The following TESMIN variants were observed in gnomAD, a reference collection of about 807,000 sequenced individuals.
TESMIN encodes CXC domain containing 2.
Under a neutral mutation model 47.4 loss-of-function variants are expected in TESMIN, and 34 were observed. The ratio of observed to expected loss-of-function variants is 0.72; its 90% CI spans 0.55 to 0.96. TESMIN has a LOEUF of 0.96. Among genes scored for constraint, TESMIN ranks in the 40% least tolerant of loss-of-function variants. The pLI, the probability that TESMIN is intolerant of heterozygous loss-of-function variation, is 0.00. For synonymous variants in TESMIN, 278 were observed against 258.9 expected (o/e 1.07, Z -0.71); for missense variants, 610 against 637.2 (o/e 0.96, Z 0.46).
At chr11:68,705,977 C>A (rs936068281), downstream of TESMIN, among the ~76,000 whole-genome samples, 1 of 139,308 alleles carries the variant, frequency 7.2e-6, no homozygotes, top group Non-Finnish European at 1.5e-5. Flanking sequence ...GAGCCGAGAT[C>A]GCGCCATTGC....
intron 6 of TESMIN, among the ~76,000 whole-genome samples, chr11:68,717,100 C>T (rs1946149087): frequency 6.6e-6 from 1 of 152,228 alleles, no homozygotes; most frequent in East Asian, 1.9e-4. Flanking sequence ...GTGCAGGAGA[C>T]CAGAGGTCTG....
At chr11:68,711,224 AGT>A (rs776342951) in intron 8 of TESMIN, among the ~76,000 whole-genome samples, 175 bp from the exon 9 acceptor site, 24 of 148,940 alleles carry the variant, frequency 1.6e-4, no homozygotes, top group African/African-American at 6.0e-4. Context: ...GTTGAACGTG[AGT>A]GTGTGTATGA....
rs539596047 is a variant in TESMIN at position 68,717,272 on chromosome 11, A to C, written c.918-1333T>G. 2.6e-5 allele frequency among the ~76,000 whole-genome samples: 4 copies of C among 152,370 alleles called. No individual in the cohort carries two copies. In the East Asian group the frequency reaches 7.7e-4, roughly 29 times the overall value. On this transcript the variant is annotated intron_variant, in intron 6 of 9. Transcript: ENST00000255087. ...GTGAACCCAGAGAGGCGAGTTCTGC[A>C]GCAGCTAAGTGCTGCCCTGGGGCAT...
At chr11:68,747,000 T>A (rs1594303981) in intron 3 of TESMIN, 1 of 592,982 alleles carries the variant, frequency 1.7e-6, no homozygotes, top group East Asian at 2.9e-5. Context: ...TCATCTTTGT[T>A]CAATTTGCTA....
At chr11:68,725,521 G>A (rs1946251839) in intron 6 of TESMIN, among the ~76,000 whole-genome samples, 1 of 152,042 alleles carries the variant, frequency 6.6e-6, no homozygotes, top group Admixed American at 6.6e-5. Context: ...TGCTGAGAGG[G>A]TGATGATACT....
At chr11:68,738,890 G>A (rs754755459) in intron 5 of TESMIN, 102 bp from the exon 6 acceptor site, 11 of 960,754 alleles carry the variant, frequency 1.1e-5, no homozygotes, top group African/African-American at 1.6e-5. Flanking sequence ...TTCCCTAAAG[G>A]TTTACATCAC....
rs759591731 is a variant in TESMIN, at chr11:68,750,695, C to T, written c.-35G>A. On this transcript the variant is annotated 5_prime_UTR_variant, in exon 2 of 10. Transcript: ENST00000255087. The stretch of plus-strand genomic sequence containing the variant: ...CGGCGGGGCGGGATGGCGGGGGCCG[C>T]GCACCTGCAACACGCGGCCAGGTGA... 3.2e-4 allele frequency: 447 copies of T among 1,405,508 alleles called. 1 individual carries two copies. Among genetic ancestry groups the T allele is most frequent in the Non-Finnish European group, 4.0e-4 (426 of 1,069,912 alleles). The allele number at this position is 1,405,508 out of a possible 1,614,324, so 87.1% of individuals were successfully genotyped here.
chr11:68,708,210 T>C lies in TESMIN; in HGVS notation c.*98A>G, dbSNP rs914987749. On this transcript the variant is annotated 3_prime_UTR_variant, in exon 10 of 10. Coordinates refer to ENST00000255087, the MANE Select transcript of TESMIN (RefSeq NM_004923.3). ...GCCCAGGGATGCAGGGGAGCCTGGT[T>C]GTTGCTGCAGAGCCAGCCTCATGTT... 13 of 1,232,346 alleles carry C rather than the reference T, an allele frequency of 1.1e-5. No homozygotes were observed. In the Admixed American group the frequency reaches 3.0e-4, roughly 29 times the overall value. 76.3% of individuals were successfully genotyped at this position (1,232,346 alleles called of 1,614,324 possible).
In TESMIN at chr11:68,750,565, G is replaced by A. The variant is rs778182702; in HGVS notation, c.96C>T (p.Asn32=). Residue 32 remains asparagine, a synonymous_variant, in exon 2 of 10, where the codon AAC becomes AAT. Coordinates refer to ENST00000255087, the MANE Select transcript of TESMIN (RefSeq NM_004923.3). Reference sequence around the variant, plus strand: ...ACTTCACGGGGGCCTTCAGGCCGATGTTCTCCGAAGCGAACGGACCCTCGG... The same window carrying A: ...ACTTCACGGGGGCCTTCAGGCCGATATTCTCCGAAGCGAACGGACCCTCGG... ...LSPEGPFASE[N]IGLKAPVKYE... 6.2e-7 allele frequency: 1 copy of A among 1,607,790 alleles called. No individual in the cohort carries two copies. Among genetic ancestry groups the A allele is most frequent in the Non-Finnish European group, 8.5e-7 (1 of 1,177,950 alleles).
rs1247606809 is a variant in TESMIN at position 68,737,516 on chromosome 11, T to C, written c.917+1184A>G. On this transcript the variant is annotated intron_variant, in intron 6 of 9. Transcript: ENST00000255087. ...ACGAAGCCATGCCCGATGGCAGAAC[T>C]CTGCAGGAGCCTGGAAAGCACTGGA... The C allele has an allele frequency of 4.1e-6, 4 of 985,534 alleles. No individual in the cohort carries two copies. The Admixed American group carries it at 2.5e-4, about 61-fold the overall frequency. The allele number at this position is 985,534 out of a possible 1,614,324, so 61.0% of individuals were successfully genotyped here. A position where few individuals can be genotyped will look rare whatever the true frequency, so the allele number is the denominator to read the frequency against.
chr11:68,750,037 C>T (rs1946569951), intron 2 of TESMIN, among the ~76,000 whole-genome samples, 153 bp downstream of exon 2: 1 of 152,106 alleles, frequency 6.6e-6, no homozygotes, highest in Non-Finnish European at 1.5e-5. Flanking sequence ...AAAGAGTATA[C>T]GCTCTACCGA....
intron 2 of TESMIN, among the ~76,000 whole-genome samples, chr11:68,747,885 G>C (rs1946541284): frequency 6.6e-6 from 1 of 152,066 alleles, no homozygotes; most frequent in Non-Finnish European, 1.5e-5. Context: ...GAGAAATACA[G>C]GGATAATACT....
chr11:68,723,664 TAGAACTGATCGAGAA>T, intron 6 of TESMIN, among the ~76,000 whole-genome samples: 1 of 152,138 alleles, frequency 6.6e-6, no homozygotes, highest in Admixed American at 6.6e-5. Flanking sequence ...CAACCTCTCC[TAGAACTGATCGAGAA>T]AGTCTAGAAA....
intron 6 of TESMIN, chr11:68,738,020 C>T: frequency 1.0e-6 from 1 of 985,536 alleles, no homozygotes; most frequent in East Asian, 1.1e-4. Flanking sequence ...CTACAGGGCT[C>T]AACGAATGGA....
Position 68,751,455 on chromosome 11 carries a change from C to T in TESMIN, c.-75G>A. ...CGGGGCTGCCGCAGCGTGGAGCGAG[C>T]GGGATGGGGCGTGGGCCGGGCCTCA... On this transcript the variant is annotated 5_prime_UTR_variant, in exon 1 of 10. Transcript: ENST00000255087. 1 of 147,420 alleles carries T rather than the reference C, an allele frequency of 6.8e-6. No individual in the cohort carries two copies. Among genetic ancestry groups the T allele is most frequent in the Non-Finnish European group, 1.5e-5 (1 of 67,012 alleles). 9.1% of individuals were successfully genotyped at this position (147,420 alleles called of 1,614,324 possible).
chr11:68,744,826 T>C (rs1002171061), intron 4 of TESMIN, 165 bp downstream of exon 4: 6 of 549,792 alleles, frequency 1.1e-5, no homozygotes, highest in African/African-American at 9.9e-5. Flanking sequence ...AATTAGTCTA[T>C]AGATATACAT....
chr11:68,725,355 T>C (rs1946249547), intron 6 of TESMIN, among the ~76,000 whole-genome samples: 1 of 152,172 alleles, frequency 6.6e-6, no homozygotes, highest in Non-Finnish European at 1.5e-5. Context: ...AATGTAAAAC[T>C]TTTAGTAGAA....
At chr11:68,746,927 C>T (rs1005116928) in intron 3 of TESMIN, among the ~76,000 whole-genome samples, 1 of 152,200 alleles carries the variant, frequency 6.6e-6, no homozygotes, top group Non-Finnish European at 1.5e-5. Context: ...CAGTCCCTGA[C>T]CCCAGCACTG....
At chr11:68,738,431 C>G in intron 6 of TESMIN, 1 of 1,208,236 alleles carries the variant, frequency 8.3e-7, no homozygotes, top group Non-Finnish European at 1.0e-6. Context: ...GGCAACAAGC[C>G]TCAGAAACAC....
Sources: gnomAD v4.1 joint callset for allele counts (sites outside exome capture counted in the v4.1 genomes callset) on GRCh38, gnomAD v4.1.1 for gene constraint, MANE v1.5 for transcripts, NCBI Gene and HGNC (gene_info 2026-07-23, HGNC 2026-07-21) for gene names.